The following PTPRG variants were observed in gnomAD, a reference collection of about 807,000 sequenced individuals.
PTPRG encodes receptor-type tyrosine-protein phosphatase gamma.
A neutral mutation model predicts 165.3 loss-of-function variants in PTPRG; 102 were observed. The observed-to-expected ratio is 0.62, with a 90% CI of 0.53 to 0.73. PTPRG has a LOEUF of 0.73. PTPRG is among the 30% of genes least tolerant of loss of function. PTPRG has a pLI of 0.00. For missense variants in PTPRG, 1,866 were observed against 1,861.4 expected, an observed-to-expected ratio of 1.00 and a Z score of -0.05; for synonymous variants, 675 against 669.5, an observed-to-expected ratio of 1.01 and a Z score of -0.13.
intron 5 of PTPRG, among the ~76,000 whole-genome samples, chr3:62,088,949 G>C (rs1701841065): frequency 1.3e-5 from 2 of 152,192 alleles, no homozygotes; most frequent in Admixed American, 1.3e-4. Flanking sequence ...TTGAGGGCCA[G>C]GATTATTAAC....
chr3:61,869,625 C>T (rs1015100947), intron 2 of PTPRG, among the ~76,000 whole-genome samples: 3 of 151,714 alleles, frequency 2.0e-5, no homozygotes, highest in African/African-American at 7.3e-5. Flanking sequence ...GTCACCCAGG[C>T]GGGAGTGCAG....
At chr3:62,286,474 A>G (rs1053881236) in intron 28 of PTPRG, among the ~76,000 whole-genome samples, 9 of 152,152 alleles carry the variant, frequency 5.9e-5, no homozygotes, top group African/African-American at 2.2e-4. Flanking sequence ...AATATATGAA[A>G]TAGTGAAAAT....
intron 1 of PTPRG, among the ~76,000 whole-genome samples, chr3:61,609,238 G>A (rs1173854827): frequency 6.6e-6 from 1 of 152,152 alleles, no homozygotes; most frequent in Non-Finnish European, 1.5e-5. Context: ...GTCGAATGAA[G>A]TTATGTATGT....
intron 2 of PTPRG, among the ~76,000 whole-genome samples, chr3:61,889,763 T>A (rs1014618569): frequency 2.6e-5 from 4 of 152,240 alleles, no homozygotes; most frequent in Non-Finnish European, 5.9e-5. Flanking sequence ...CTTAAACTAT[T>A]TCCATCCTAA....
intron 2 of PTPRG, among the ~76,000 whole-genome samples, chr3:61,953,317 A>G (rs945387095): frequency 4.6e-5 from 7 of 152,206 alleles, no homozygotes; most frequent in African/African-American, 1.7e-4. Flanking sequence ...AAAGGGGCAA[A>G]AATAGAGAGA....
At chr3:61,646,769 A>G (rs1184347715) in intron 1 of PTPRG, among the ~76,000 whole-genome samples, 2 of 152,170 alleles carry the variant, frequency 1.3e-5, no homozygotes, top group East Asian at 1.9e-4. Context: ...CATCACTGCA[A>G]AGATCTCATA....
rs371567724 is a variant in PTPRG, at chr3:61,574,962, C to T, written c.85+12590C>T. On this transcript the variant is annotated intron_variant, in intron 1 of 29. Transcript: ENST00000474889. ...GCCTCGAGAATGGCACCAAGCCATT[C>T]GTGAGGGACCCACCCTCATGACTCA... Among the ~76,000 whole-genome samples the T allele has an allele frequency of 4.6e-4, 70 of 152,304 alleles. 1 individual carries two copies. The East Asian group carries it at 7.1e-3, about 16-fold the overall frequency.
chr3:61,567,165 G>A lies in PTPRG; in HGVS notation c.85+4793G>A, dbSNP rs575428163. On this transcript the variant is annotated intron_variant, in intron 1 of 29. Transcript: ENST00000474889. ...TGTATCCTGTTTAGAGAATAAAAGG[G>A]CTGTTTTATTAATATTATAGAAGCC... Among the ~76,000 whole-genome samples the A allele has an allele frequency of 3.3e-3, 509 of 152,230 alleles. 2 individuals carry two copies. Among genetic ancestry groups the A allele is most frequent in the African/African-American group, 0.012 (478 of 41,542 alleles).
intron 1 of PTPRG, among the ~76,000 whole-genome samples, chr3:61,635,225 AAATC>A (rs1466215348): frequency 6.6e-6 from 1 of 151,998 alleles, no homozygotes; most frequent in Non-Finnish European, 1.5e-5. Flanking sequence ...GAGTTGGCGA[AAATC>A]AAGCTGTCAT....
At chr3:62,272,745 C>G (rs1159241043) in intron 21 of PTPRG, among the ~76,000 whole-genome samples, 1 of 151,946 alleles carries the variant, frequency 6.6e-6, no homozygotes, top group Non-Finnish European at 1.5e-5. Flanking sequence ...GGCTGAGGCT[C>G]GAGAATTGCT....
intron 4 of PTPRG, among the ~76,000 whole-genome samples, chr3:62,041,977 T>G (rs906955468): frequency 6.6e-6 from 1 of 152,192 alleles, no homozygotes; most frequent in African/African-American, 2.4e-5. Context: ...GTTTAATGAA[T>G]GATTAAGCAT....
At chr3:62,239,359 T>C (rs1483277645) in intron 14 of PTPRG, among the ~76,000 whole-genome samples, 2 of 148,946 alleles carry the variant, frequency 1.3e-5, no homozygotes, top group African/African-American at 5.0e-5. Context: ...CTTTTTTCTT[T>C]CTTTTTTTTT....
chr3:61,564,279 A>G lies in PTPRG; in HGVS notation c.85+1907A>G, dbSNP rs530782819. ...TGAGCTTTGTGAGGGCCACTCTTTA[A>G]TGGGTGCAGTGGGAGGTCGTGGAGG... On this transcript the variant is annotated intron_variant, in intron 1 of 29. Transcript: ENST00000474889. Among the ~76,000 whole-genome samples, 6 of 152,236 alleles carry G rather than the reference A, an allele frequency of 3.9e-5. No homozygotes were observed. The South Asian group carries it at 1.0e-3, about 26-fold the overall frequency.
chr3:61,636,252 A>G (rs1396742734), intron 1 of PTPRG, among the ~76,000 whole-genome samples: 1 of 152,216 alleles, frequency 6.6e-6, no homozygotes, highest in African/African-American at 2.4e-5. Context: ...ATATATTCAA[A>G]GAGTTGTATA....
chr3:61,986,444 A>T (rs1013969708), intron 2 of PTPRG, among the ~76,000 whole-genome samples: 1 of 152,096 alleles, frequency 6.6e-6, no homozygotes, highest in African/African-American at 2.4e-5. Context: ...CCTGAGATCA[A>T]ACTTTTAGCC....
At chr3:61,906,849 G>T (rs1171176905) in intron 2 of PTPRG, among the ~76,000 whole-genome samples, 5 of 151,926 alleles carry the variant, frequency 3.3e-5, no homozygotes, top group Non-Finnish European at 7.4e-5. Flanking sequence ...TCATATTGTA[G>T]AAATCCATAT....
At position 61,705,108 on chromosome 3, in the gene PTPRG, T is replaced by A. The variant is rs143782271; in HGVS notation, c.86-43770T>A. On this transcript the variant is annotated intron_variant, in intron 1 of 29. Transcript: ENST00000474889. ...AAAAAAACACATGCACTGAAGAGCTTTGGGTGGCTGAGCCCCAGGTATTTG... is the reference window on the plus strand; with the variant it reads ...AAAAAAACACATGCACTGAAGAGCTATGGGTGGCTGAGCCCCAGGTATTTG... 2.2e-3 allele frequency among the ~76,000 whole-genome samples: 338 copies of A among 152,282 alleles called. 1 individual carries two copies. Among genetic ancestry groups the A allele is most frequent in the South Asian group, 0.014 (67 of 4,826 alleles).
chr3:62,022,988 T>C (rs2041732393), intron 4 of PTPRG, among the ~76,000 whole-genome samples: 1 of 152,136 alleles, frequency 6.6e-6, no homozygotes, highest in Non-Finnish European at 1.5e-5. Context: ...ATTAAAACAA[T>C]ATAATTAATA....
intron 2 of PTPRG, among the ~76,000 whole-genome samples, chr3:61,853,720 T>C (rs1242104740): frequency 6.6e-6 from 1 of 152,210 alleles, no homozygotes; most frequent in African/African-American, 2.4e-5. Flanking sequence ...ACACAGCATA[T>C]GACAACTAAG....
Sources: gnomAD v4.1 joint callset for allele counts (sites outside exome capture counted in the v4.1 genomes callset) on GRCh38, gnomAD v4.1.1 for gene constraint, MANE v1.5 for transcripts, NCBI Gene and HGNC (gene_info 2026-07-23, HGNC 2026-07-21) for gene names.